The following TMTC1 variants were observed in gnomAD, a reference collection of about 807,000 sequenced individuals.
TMTC1 encodes transmembrane O-mannosyltransferase targeting cadherins 1.
TMTC1 carries 73 observed loss-of-function variants against 104.8 expected under a neutral mutation model. The ratio of observed to expected loss-of-function variants is 0.70; its 90% CI spans 0.58 to 0.85. The LOEUF (loss-of-function observed/expected upper bound fraction) is 0.85. Among genes scored for constraint, TMTC1 ranks in the 40% least tolerant of loss-of-function variants. TMTC1 has a pLI of 0.00. For synonymous variants in TMTC1, 434 were observed against 428.7 expected (o/e 1.01, Z -0.15); for missense variants, 1,035 against 1,096.1 (o/e 0.94, Z 0.79).
chr12:29,608,413 G>A (rs1946759037), intron 6 of TMTC1, among the ~76,000 whole-genome samples: 1 of 152,122 alleles, frequency 6.6e-6, no homozygotes, highest in African/African-American at 2.4e-5. Flanking sequence ...AAGAACGAAT[G>A]GAAATTCACT....
chr12:29,510,505 T>C (rs1943803417), intron 17 of TMTC1, among the ~76,000 whole-genome samples: 1 of 152,206 alleles, frequency 6.6e-6, no homozygotes, highest in Non-Finnish European at 1.5e-5. Context: ...CCCTAGAATA[T>C]CATTAAGATC....
chr12:29,540,187 A>AG (rs1179276221), intron 10 of TMTC1, among the ~76,000 whole-genome samples: 1 of 152,092 alleles, frequency 6.6e-6, no homozygotes, highest in East Asian at 1.9e-4. Flanking sequence ...GCCTCTTGCG[A>AG]GGGGGGATCC....
At chr12:29,751,547 T>C in intron 5 of TMTC1, 119 bp downstream of exon 5, 1 of 1,004,834 alleles carries the variant, frequency 1.0e-6, no homozygotes, top group Non-Finnish European at 1.6e-6. Context: ...GAGGGAAGCA[T>C]GAAGAGAGGG....
Position 29,502,700 on chromosome 12 carries a change from T to G in TMTC1, c.*4146A>C, listed in dbSNP as rs2136115013. The G allele has an allele frequency of 6.6e-6, 1 of 152,360 alleles. No individual in the cohort carries two copies. The allele number at this position is 152,360 out of a possible 1,614,324, so 9.4% of individuals were successfully genotyped here. On this transcript the variant is annotated 3_prime_UTR_variant, in exon 18 of 18. Coordinates refer to ENST00000539277, the MANE Select transcript of TMTC1 (RefSeq NM_001193451.2). ...AAGACTTCTTTGGCTCATTTTAGTATAGACTTAAAAGTAAAAATTGCAAAA... is the reference window on the plus strand; with the variant it reads ...AAGACTTCTTTGGCTCATTTTAGTAGAGACTTAAAAGTAAAAATTGCAAAA...
At chr12:29,522,575 T>G (rs573773245) in intron 11 of TMTC1, among the ~76,000 whole-genome samples, 130 of 151,574 alleles carry the variant, frequency 8.6e-4, no homozygotes, top group African/African-American at 3.1e-3. Context: ...TGTGTGTGTG[T>G]GTGTGTGTGT....
chr12:29,518,611 T>C lies in TMTC1; in HGVS notation c.1889-4A>G. The C allele has an allele frequency of 6.2e-7, 1 of 1,613,976 alleles. No individual in the cohort carries two copies. Among genetic ancestry groups the C allele is most frequent in the African/African-American group, 1.3e-5 (1 of 75,046 alleles). ...GCCACTGCCTTTTCTGGTAAGCCTG[T>C]AACCAGTGACAGGTTGGTAAGAGCA... On this transcript the variant is annotated splice_polypyrimidine_tract_variant and splice_region_variant and intron_variant, in intron 12 of 17. Transcript: ENST00000539277.
At chr12:29,681,792 T>C (rs532460136) in intron 5 of TMTC1, among the ~76,000 whole-genome samples, 7 of 152,318 alleles carry the variant, frequency 4.6e-5, no homozygotes, top group Admixed American at 4.6e-4. Context: ...TAGAAATTAT[T>C]TGTATATGGT....
At chr12:29,664,514 G>A (rs1340244429) in intron 5 of TMTC1, among the ~76,000 whole-genome samples, 1 of 152,094 alleles carries the variant, frequency 6.6e-6, no homozygotes, top group Non-Finnish European at 1.5e-5. Flanking sequence ...TTCCCCATCA[G>A]TCCAATACAC....
intron 5 of TMTC1, among the ~76,000 whole-genome samples, chr12:29,645,796 G>A (rs1939240661): frequency 6.6e-6 from 1 of 152,174 alleles, no homozygotes; most frequent in Admixed American, 6.5e-5. Context: ...CTCTATACAA[G>A]AATCCTGTTG....
intron 7 of TMTC1, 129 bp downstream of exon 7, chr12:29,604,049 G>A: frequency 2.4e-6 from 3 of 1,267,838 alleles, no homozygotes; most frequent in Non-Finnish European, 2.2e-6. Context: ...TGTTTTTAAA[G>A]CTGAAATAAT....
chr12:29,593,120 T>C (rs1946323102), intron 7 of TMTC1, among the ~76,000 whole-genome samples: 1 of 152,176 alleles, frequency 6.6e-6, no homozygotes, highest in Non-Finnish European at 1.5e-5. Context: ...AGCTGGGCTC[T>C]CCTCTGGCTG....
chr12:29,743,800 A>T (rs1942885470), intron 5 of TMTC1, among the ~76,000 whole-genome samples: 2 of 152,218 alleles, frequency 1.3e-5, no homozygotes, highest in Admixed American at 1.3e-4. Flanking sequence ...ACATTAAAAA[A>T]GAGAAAGAGA....
intron 11 of TMTC1, 82 bp from the exon 12 acceptor site, chr12:29,520,802 C>CAAA: frequency 3.2e-6 from 3 of 941,240 alleles, no homozygotes; most frequent in Non-Finnish European, 4.6e-6. Context: ...GCAGGAAAAG[C>CAAA]AAAAAAAAAA....
intron 5 of TMTC1, among the ~76,000 whole-genome samples, chr12:29,706,588 T>A (rs1941750762): frequency 6.6e-6 from 1 of 152,102 alleles, no homozygotes. Context: ...TGTGACCAGG[T>A]GATTATGGAA....
intron 5 of TMTC1, among the ~76,000 whole-genome samples, chr12:29,680,296 T>C (rs2136711136): frequency 6.6e-6 from 1 of 152,314 alleles, no homozygotes; most frequent in African/African-American, 2.4e-5. Context: ...CAGTGAGCTA[T>C]CCAGTAGGAA....
At position 29,662,666 on chromosome 12, in the gene TMTC1, CAAAAAAAAA is replaced by C. The variant is rs35610791; in HGVS notation, c.939-29339_939-29331del. 5.8e-5 allele frequency among the ~76,000 whole-genome samples: 5 copies of C among 86,598 alleles called. 1 individual carries two copies. The highest frequency in any genetic ancestry group is 2.9e-4 in the East Asian group (1 of 3,456). 56.8% of individuals were successfully genotyped at this position (86,598 alleles called of 152,430 possible). ...TGGGTGACAGAGCGAGACTCCGTCT[CAAAAAAAAA>C]AAAAAAAAAAAAGAGGATTGCTTAC... On this transcript the variant is annotated intron_variant, in intron 5 of 17. Coordinates refer to ENST00000539277, the MANE Select transcript of TMTC1 (RefSeq NM_001193451.2).
In TMTC1 at chr12:29,692,137, T is replaced by C. The variant is rs1283015701; in HGVS notation, c.939-58801A>G. Among the ~76,000 whole-genome samples the C allele has an allele frequency of 2.1e-5, 3 of 145,550 alleles. 1 individual carries two copies. In the East Asian group the frequency reaches 6.8e-4, roughly 33 times the overall value. The stretch of plus-strand genomic sequence containing the variant: ...GTGTGCTTGTGTCTTTATTCCCCAC[T>C]GATAACATTACAAGAATATGCTTTG... On this transcript the variant is annotated intron_variant, in intron 5 of 17. Coordinates refer to ENST00000539277, the MANE Select transcript of TMTC1 (RefSeq NM_001193451.2).
At chr12:29,522,416 AAT>A (rs764057429) in intron 11 of TMTC1, among the ~76,000 whole-genome samples, 8 of 152,308 alleles carry the variant, frequency 5.3e-5, no homozygotes, top group African/African-American at 9.6e-5. Flanking sequence ...CATGTCTCTA[AAT>A]ATATGTTTTT....
chr12:29,624,365 T>G, intron 6 of TMTC1, among the ~76,000 whole-genome samples: 1 of 149,410 alleles, frequency 6.7e-6, no homozygotes, highest in African/African-American at 2.5e-5. Context: ...GAGCCAGAGG[T>G]CAGGTGGAAG....
Sources: gnomAD v4.1 joint callset for allele counts (sites outside exome capture counted in the v4.1 genomes callset) on GRCh38, gnomAD v4.1.1 for gene constraint, MANE v1.5 for transcripts, NCBI Gene and HGNC (gene_info 2026-07-23, HGNC 2026-07-21) for gene names.